The following DAB2IP variants were observed in gnomAD, a reference collection of about 807,000 sequenced individuals.
DAB2IP encodes disabled homolog 2-interacting protein.
DAB2IP carries 28 observed loss-of-function variants against 107.2 expected under a neutral mutation model. The observed-to-expected ratio is 0.26, with a 90% CI of 0.19 to 0.36. The LOEUF (loss-of-function observed/expected upper bound fraction) is 0.36, where lower values mean the gene tolerates loss of function less well. Ranked by LOEUF, DAB2IP falls within the 10% of genes least tolerant of loss-of-function variation. The pLI, the probability that DAB2IP is intolerant of heterozygous loss-of-function variation, is 1.00. For missense variants in DAB2IP, 1,400 were observed against 1,644.7 expected (o/e 0.85, Z 2.57); for synonymous variants, 755 against 706.4 (o/e 1.07, Z -1.09).
At position 121,742,388 on chromosome 9, in the gene DAB2IP, C is replaced by T. The variant is rs145625083; in HGVS notation, c.363-14625C>T. On this transcript the variant is annotated intron_variant, in intron 3 of 15. Transcript: ENST00000408936. ...AGGTTGTAGTGAGCTGAGATTGCGC[C>T]GTTGCACTCCAGCCTGGGCAACAAG... Among the ~76,000 whole-genome samples the T allele has an allele frequency of 5.6e-4, 85 of 152,298 alleles. 1 individual carries two copies. In the East Asian group the frequency reaches 0.016, roughly 29 times the overall value.
exon 16 of DAB2IP, chr9:121,783,232 T>C: frequency 8.0e-7 from 1 of 1,243,982 alleles, no homozygotes; most frequent in Non-Finnish European, 1.0e-6. Context: ...CTTTTTCTTG[T>C]GAGCTCTTGT....
At chr9:121,602,793 C>T (rs574313487) in intron 1 of DAB2IP, among the ~76,000 whole-genome samples, 11 of 152,068 alleles carry the variant, frequency 7.2e-5, no homozygotes, top group East Asian at 1.9e-4. Context: ...GCCAGGATGG[C>T]CTTGATCTCC....
intron 1 of DAB2IP, among the ~76,000 whole-genome samples, chr9:121,657,342 G>T (rs1381551417): frequency 6.6e-6 from 1 of 152,210 alleles, no homozygotes; most frequent in Non-Finnish European, 1.5e-5. Flanking sequence ...CTGCTGGAAT[G>T]TCAGCCTCTT....
upstream of DAB2IP, among the ~76,000 whole-genome samples, chr9:121,647,867 T>TTA (rs965536784): frequency 8.7e-5 from 13 of 149,526 alleles, no homozygotes; most frequent in Admixed American, 4.0e-4. Context: ...CATATACGTA[T>TTA]TATATATATA....
At chr9:121,597,180 T>A (rs1404815927) in intron 1 of DAB2IP, among the ~76,000 whole-genome samples, 1 of 152,242 alleles carries the variant, frequency 6.6e-6, no homozygotes, top group East Asian at 1.9e-4. Context: ...TGTATTGATG[T>A]TTTTCTTGAT....
chr9:121,749,121 T>C (rs1054319714), intron 3 of DAB2IP, among the ~76,000 whole-genome samples: 3 of 152,202 alleles, frequency 2.0e-5, no homozygotes, highest in Non-Finnish European at 4.4e-5. Flanking sequence ...ACCAGGCGGC[T>C]GCATTCCTCT....
chr9:121,658,115 A>C (rs1411586043), intron 1 of DAB2IP, among the ~76,000 whole-genome samples: 1 of 151,826 alleles, frequency 6.6e-6, no homozygotes, highest in Non-Finnish European at 1.5e-5. Context: ...TGGCGATTCA[A>C]CTCCCGTGTA....
Position 121,619,689 on chromosome 9 carries a change from G to A in DAB2IP, c.40+52461G>A, listed in dbSNP as rs1281816260. On this transcript the variant is annotated intron_variant, in intron 1 of 16. Coordinates refer to the DAB2IP transcript ENST00000259371. ...TTGCAAATGTCCTTACACTTGGGTG[G>A]AGTATGTTGTGATCCCAGTAATGAT... Among the ~76,000 whole-genome samples the A allele has an allele frequency of 2.6e-5, 4 of 152,318 alleles. No homozygotes were observed. The East Asian group carries it at 7.7e-4, about 29-fold the overall frequency.
chr9:121,612,328 A>G (rs528093006), intron 1 of DAB2IP, among the ~76,000 whole-genome samples: 1 of 145,000 alleles, frequency 6.9e-6, no homozygotes, highest in East Asian at 1.9e-4. Context: ...CCCTGCCTCA[A>G]AAAAAAATTA....
intron 1 of DAB2IP, among the ~76,000 whole-genome samples, chr9:121,591,828 G>A (rs1365393211): frequency 6.6e-6 from 1 of 152,208 alleles, no homozygotes; most frequent in Non-Finnish European, 1.5e-5. Context: ...AGAAAAATAA[G>A]AGGGACTCAG....
At chr9:121,710,551 G>C (rs1268887945) in intron 3 of DAB2IP, among the ~76,000 whole-genome samples, 5 of 152,226 alleles carry the variant, frequency 3.3e-5, no homozygotes, top group African/African-American at 1.2e-4. Flanking sequence ...CTGATGAGCT[G>C]TGGCTGCGTT....
chr9:121,588,493 C>T (rs1428859539), intron 1 of DAB2IP, among the ~76,000 whole-genome samples: 1 of 147,806 alleles, frequency 6.8e-6, no homozygotes, highest in Non-Finnish European at 1.5e-5. Context: ...CCATCAAGGG[C>T]TGCTCTCTGG....
rs796281149 is a variant in DAB2IP, at chr9:121,684,471, G to A, written c.228+5690G>A. 6.6e-6 allele frequency among the ~76,000 whole-genome samples: 1 copy of A among 152,188 alleles called. No individual in the cohort carries two copies. Among genetic ancestry groups the A allele is most frequent in the East Asian group, 1.9e-4 (1 of 5,194 alleles). On this transcript the variant is annotated intron_variant, in intron 2 of 15. Transcript: ENST00000408936. This position sits in a 1 kb window ranked among gnomAD's most constrained non-coding sequence, Gnocchi z 4.0. ...TCCCAGCCCCCATCACATTTCCTGG[G>A]AGGAATGGGTGTTCTTTGGTCCAAC...
In DAB2IP at chr9:121,781,458, C is replaced by G. The variant is rs1331927121; in HGVS notation, c.3315-6C>G. On this transcript the variant is annotated splice_region_variant and splice_polypyrimidine_tract_variant and intron_variant, in intron 14 of 15. Coordinates refer to ENST00000408936, the Ensembl canonical transcript of DAB2IP. ...CCAGTCTGACTGTCTCTGTCTCTGG[C>G]TATAGGTTGATGTCCGTGGAGGAAG... 1 of 1,613,886 alleles carries G rather than the reference C, an allele frequency of 6.2e-7. No homozygotes were observed. The highest frequency in any genetic ancestry group is 1.3e-5 in the African/African-American group (1 of 75,016).
At chr9:121,588,780 T>C (rs753033065) in intron 1 of DAB2IP, among the ~76,000 whole-genome samples, 7 of 151,814 alleles carry the variant, frequency 4.6e-5, no homozygotes, top group Non-Finnish European at 7.4e-5. Flanking sequence ...TTTATGACCC[T>C]GGGTTGGTCA....
chr9:121,727,082 GA>G (rs1233525583), intron 3 of DAB2IP, among the ~76,000 whole-genome samples: 2 of 152,192 alleles, frequency 1.3e-5, no homozygotes, highest in African/African-American at 4.8e-5. Flanking sequence ...GAGGCAGGGG[GA>G]CAGTTGAATG....
chr9:121,588,700 G>T (rs555363165), intron 1 of DAB2IP, among the ~76,000 whole-genome samples: 4 of 151,900 alleles, frequency 2.6e-5, no homozygotes, highest in African/African-American at 9.7e-5. Context: ...TGCAGTCAGT[G>T]CAAGCCTCAG....
chr9:121,667,476 T>C (rs1352598102), intron 1 of DAB2IP, among the ~76,000 whole-genome samples: 1 of 152,152 alleles, frequency 6.6e-6, no homozygotes, highest in Non-Finnish European at 1.5e-5. Flanking sequence ...ACTTCTCTGA[T>C]CCACTTTTTC....
chr9:121,664,192 C>A (rs1460161789), intron 1 of DAB2IP, among the ~76,000 whole-genome samples: 1 of 152,186 alleles, frequency 6.6e-6, no homozygotes, highest in Non-Finnish European at 1.5e-5. Flanking sequence ...AAATCAATTG[C>A]CCATGTATGT....
Sources: allele counts gnomAD v4.1 joint callset (sites outside exome capture counted in the v4.1 genomes callset), GRCh38; gene constraint gnomAD v4.1.1; non-coding constraint Gnocchi (gnomAD v3.1); transcripts MANE v1.5; gene names NCBI Gene and HGNC (gene_info 2026-07-23, HGNC 2026-07-21).